The following FAM149B1 variants were observed in gnomAD, a reference collection of about 807,000 sequenced individuals.
FAM149B1 encodes the protein primary cilium assembly protein FAM149B1.
FAM149B1 carries 56 observed loss-of-function variants against 75.3 expected under a neutral mutation model. That is an observed-to-expected ratio of 0.74 (90% CI 0.60 to 0.93). The LOEUF (loss-of-function observed/expected upper bound fraction) is 0.93, where lower values mean the gene tolerates loss of function less well. Ranked by LOEUF, FAM149B1 falls within the 40% of genes least tolerant of loss-of-function variation. The pLI is 0.00. For missense variants in FAM149B1, 639 were observed against 708.4 expected (o/e 0.90, Z 1.11); for synonymous variants, 259 against 256.1 (o/e 1.01, Z -0.11).
Position 73,228,195 on chromosome 10 carries a change from G to C in FAM149B1, c.1023+11G>C. On this transcript the variant is annotated intron_variant, in intron 8 of 13. Transcript: ENST00000242505. ...ATTACCTCAAATCCGGTAAGCCCCA[G>C]AGGGATCAGTTGGAGACCCCAGGGC... The C allele has an allele frequency of 6.4e-7, 1 of 1,551,608 alleles. No individual in the cohort carries two copies. Among genetic ancestry groups the C allele is most frequent in the South Asian group, 1.2e-5 (1 of 84,058 alleles).
intron 3 of FAM149B1, among the ~76,000 whole-genome samples, chr10:73,192,061 G>A (rs1232808733): frequency 2.0e-5 from 3 of 151,904 alleles, no homozygotes; most frequent in African/African-American, 7.3e-5. Context: ...TACCACGCCT[G>A]GCTAATTTTT....
intron 12 of FAM149B1, among the ~76,000 whole-genome samples, chr10:73,237,559 A>G (rs1031177751): frequency 1.3e-5 from 2 of 151,954 alleles, no homozygotes; most frequent in African/African-American, 4.8e-5. Flanking sequence ...AGCTGGGACT[A>G]CAGGCACCTG....
At chr10:73,196,475 G>C (rs1445548296) in intron 5 of FAM149B1, among the ~76,000 whole-genome samples, 1 of 152,020 alleles carries the variant, frequency 6.6e-6, no homozygotes, top group Non-Finnish European at 1.5e-5. Context: ...GCCACTTTTT[G>C]TTGTGAGACG....
chr10:73,196,348 G>A (rs960856728), intron 5 of FAM149B1, among the ~76,000 whole-genome samples: 1 of 151,788 alleles, frequency 6.6e-6, no homozygotes, highest in Non-Finnish European at 1.5e-5. Flanking sequence ...AAGAGATGGG[G>A]TCTTGCTCTG....
chr10:73,203,643 AT>A (rs200573557), intron 5 of FAM149B1, among the ~76,000 whole-genome samples: 361 of 145,582 alleles, frequency 2.5e-3, no homozygotes, highest in Admixed American at 4.0e-3. Flanking sequence ...TGTGATCATA[AT>A]TTTTTTTTTT....
intron 3 of FAM149B1, among the ~76,000 whole-genome samples, chr10:73,185,521 T>C (rs1204336902): frequency 6.6e-6 from 1 of 152,188 alleles, no homozygotes; most frequent in Non-Finnish European, 1.5e-5. Context: ...TGCATTCCAC[T>C]GGGCAACAGA....
intron 7 of FAM149B1, among the ~76,000 whole-genome samples, chr10:73,227,827 C>A (rs1479383717): frequency 6.6e-6 from 1 of 152,182 alleles, no homozygotes; most frequent in Non-Finnish European, 1.5e-5. Context: ...CCCTAGAGAT[C>A]TTTTTCTCTT....
In FAM149B1 at chr10:73,177,153, G is replaced by C. The variant is rs546678353; in HGVS notation, c.153-693G>C. On this transcript the variant is annotated intron_variant, in intron 2 of 13. Coordinates refer to ENST00000242505, the MANE Select transcript of FAM149B1 (RefSeq NM_173348.2). ...CAGGAGGCGGAGGTTGCAGTGAGCT[G>C]ATTTCGCACCACTGCATTCCAGCCT... 5.3e-5 allele frequency among the ~76,000 whole-genome samples: 8 copies of C among 150,908 alleles called. No homozygotes were observed. The East Asian group carries it at 1.2e-3, about 22-fold the overall frequency.
Position 73,243,750 on chromosome 10 carries a change from T to G in FAM149B1, c.*2731T>G. The G allele has an allele frequency of 7.7e-7, 1 of 1,300,882 alleles. No individual in the cohort carries two copies. Among genetic ancestry groups the G allele is most frequent in the Non-Finnish European group, 1.1e-6 (1 of 922,878 alleles). 80.6% of individuals were successfully genotyped at this position (1,300,882 alleles called of 1,614,324 possible). On this transcript the variant is annotated 3_prime_UTR_variant, in exon 14 of 14. Coordinates refer to ENST00000242505, the MANE Select transcript of FAM149B1 (RefSeq NM_173348.2). The stretch of plus-strand genomic sequence containing the variant: ...CAAATAGAAGGTATGCGGTTATGTC[T>G]TAAAAGAAGAAAACAAAATACAACA...
chr10:73,201,854 T>C (rs191413903), intron 5 of FAM149B1, among the ~76,000 whole-genome samples: 370 of 152,102 alleles, frequency 2.4e-3, no homozygotes, highest in African/African-American at 8.5e-3. Flanking sequence ...AAACTGTATA[T>C]TCACTTAAGA....
chr10:73,194,374 G>C (rs7918110), intron 5 of FAM149B1, among the ~76,000 whole-genome samples: 2 of 152,010 alleles, frequency 1.3e-5, no homozygotes, highest in Non-Finnish European at 2.9e-5. Flanking sequence ...AAAAAAAGTT[G>C]AAAAAGTGAT....
chr10:73,172,209 G>C (rs1232812621), intron 1 of FAM149B1, among the ~76,000 whole-genome samples: 2 of 152,098 alleles, frequency 1.3e-5, no homozygotes, highest in Non-Finnish European at 2.9e-5. Context: ...ACAAGCTCTT[G>C]GTTGTAGGAC....
chr10:73,200,222 G>A (rs1200952747), intron 5 of FAM149B1: 20 of 232,940 alleles, frequency 8.6e-5, no homozygotes, highest in African/African-American at 2.1e-4. Context: ...CCAGCTACTC[G>A]GGAGGCTGAG....
Position 73,204,944 on chromosome 10 carries a change from A to ATT in FAM149B1, c.543-3624_543-3623dup, listed in dbSNP as rs71021549. ...AGGCACCCGCCACCATGCCTGGCTA[A>ATT]TTTTTTTTTTTTTTTTTTTTTTTTT... On this transcript the variant is annotated intron_variant, in intron 5 of 13. Coordinates refer to ENST00000242505, the MANE Select transcript of FAM149B1 (RefSeq NM_173348.2). Among the ~76,000 whole-genome samples the ATT allele has an allele frequency of 2.2e-4, 8 of 36,606 alleles. 2 individuals carry two copies. Among genetic ancestry groups the ATT allele is most frequent in the Non-Finnish European group, 3.7e-4 (7 of 19,162 alleles). 24.0% of individuals were successfully genotyped at this position (36,606 alleles called of 152,430 possible). A position where few individuals can be genotyped will look rare whatever the true frequency, so the allele number is the denominator to read the frequency against.
In FAM149B1 at chr10:73,193,527, CT is replaced by C; in HGVS notation, c.477del (p.Arg160AspfsTer25). 6.5e-7 allele frequency: 1 copy of C among 1,550,358 alleles called. No homozygotes were observed. Among genetic ancestry groups the C allele is most frequent in the East Asian group, 2.4e-5 (1 of 40,818 alleles). On this transcript the variant is annotated frameshift_variant, in exon 5 of 14. Transcript: ENST00000242505. LOFTEE classifies it high-confidence loss of function. ...ITPSEGYRLY[P>X]RSPSAVSASY... is the part of the protein sequence containing the mutation. Reference sequence around the variant, plus strand: ...CCAAGTGAAGGTTATAGATTGTATCCTAGATCCCCTTCTGCTGTTTCCGCTT... The same window carrying C: ...CCAAGTGAAGGTTATAGATTGTATCCAGATCCCCTTCTGCTGTTTCCGCTT...
At chr10:73,179,698 CT>C (rs906971432) in intron 3 of FAM149B1, among the ~76,000 whole-genome samples, 1 of 150,822 alleles carries the variant, frequency 6.6e-6, no homozygotes, top group African/African-American at 2.4e-5. Flanking sequence ...CAGAAACCTG[CT>C]TTTTTTTTAA....
At chr10:73,203,433 A>G (rs572874839) in intron 5 of FAM149B1, among the ~76,000 whole-genome samples, 7 of 152,274 alleles carry the variant, frequency 4.6e-5, no homozygotes, top group Admixed American at 3.9e-4. Flanking sequence ...CCATGTATGT[A>G]TATGGTTTTT....
intron 5 of FAM149B1, among the ~76,000 whole-genome samples, chr10:73,197,383 T>C (rs1022372699): frequency 3.3e-5 from 5 of 152,206 alleles, no homozygotes; most frequent in South Asian, 2.1e-4. Context: ...AATGTATGCA[T>C]TGAAATTATG....
At chr10:73,207,888 C>T (rs1195193947) in intron 5 of FAM149B1, among the ~76,000 whole-genome samples, 1 of 152,202 alleles carries the variant, frequency 6.6e-6, no homozygotes, top group African/African-American at 2.4e-5. Flanking sequence ...AAGGGATGTG[C>T]CTTGTCTCAG....
Sources: allele counts gnomAD v4.1 joint callset (sites outside exome capture counted in the v4.1 genomes callset), GRCh38; gene constraint gnomAD v4.1.1; transcripts MANE v1.5; gene names NCBI Gene and HGNC (gene_info 2026-07-23, HGNC 2026-07-21).